ARSG: variants seen among roughly 807,000 people sequenced by gnomAD.
The protein encoded by ARSG is arylsulfatase G.
In ARSG, 37 loss-of-function variants were observed where a neutral mutation model predicts 50.5. That is an observed-to-expected ratio of 0.73 (90% confidence interval 0.56 to 0.96). The LOEUF is 0.96. Among genes scored for constraint, ARSG ranks in the 50% least tolerant of loss-of-function variants. The pLI, the probability that ARSG is intolerant of heterozygous loss-of-function variation, is 0.00. For synonymous variants in ARSG, 225 were observed against 254.6 expected, an observed-to-expected ratio of 0.88 and a Z score of 1.11; for missense variants, 629 against 675.3, an observed-to-expected ratio of 0.93 and a Z score of 0.76.
At chr17:68,416,079 GGTTT>G (rs925718898) in intron 11 of ARSG, among the ~76,000 whole-genome samples, 3 of 151,862 alleles carry the variant, frequency 2.0e-5, no homozygotes, top group Admixed American at 6.6e-5. Flanking sequence ...CATGTGCCTT[GGTTT>G]TTTTGTTTTT....
At chr17:68,357,028 G>A (rs2079063784) in intron 6 of ARSG, among the ~76,000 whole-genome samples, 1 of 152,172 alleles carries the variant, frequency 6.6e-6, no homozygotes, top group Non-Finnish European at 1.5e-5. Context: ...TAGAGTCCCT[G>A]GGGCTTATCC....
intron 6 of ARSG, among the ~76,000 whole-genome samples, chr17:68,368,204 T>A (rs1022499493): frequency 8.5e-5 from 13 of 152,318 alleles, no homozygotes; most frequent in South Asian, 4.1e-4. Flanking sequence ...TTCGGACATG[T>A]AACTAATTGC....
Position 68,306,384 on chromosome 17 carries a change from C to T in ARSG, c.-551-559C>T, listed in dbSNP as rs541820521. On this transcript the variant is annotated intron_variant, in intron 1 of 11. Coordinates refer to ENST00000621439, the MANE Select transcript of ARSG (RefSeq NM_001267727.2). ...CTCCAGCCTGGGTGACAGAGTGAGA[C>T]TCAGTCTCAAAAAAAAAAGAATTTT... Among the ~76,000 whole-genome samples the T allele has an allele frequency of 2.0e-5, 3 of 151,922 alleles. No individual in the cohort carries two copies. In the South Asian group the frequency reaches 6.2e-4, roughly 32 times the overall value.
At chr17:68,423,757 A>G (rs538607082), downstream of ARSG, among the ~76,000 whole-genome samples, 4 of 152,262 alleles carry the variant, frequency 2.6e-5, no homozygotes, top group South Asian at 8.3e-4. This position sits in a 1 kb window ranked among gnomAD's most constrained non-coding sequence, Gnocchi z 4.4. Context: ...CAAATAAATG[A>G]TCTGCACAAG....
intron 1 of ARSG, among the ~76,000 whole-genome samples, chr17:68,277,270 A>G (rs566909383): frequency 6.6e-6 from 1 of 151,728 alleles, no homozygotes; most frequent in Non-Finnish European, 1.5e-5. Flanking sequence ...TGCTGGGATT[A>G]CAGGCACATA....
chr17:68,399,174 A>C lies in ARSG; in HGVS notation c.1213-2186A>C, dbSNP rs1436194459. Among the ~76,000 whole-genome samples the C allele has an allele frequency of 6.6e-6, 1 of 152,116 alleles. No homozygotes were observed. Among genetic ancestry groups the C allele is most frequent in the East Asian group, 1.9e-4 (1 of 5,182 alleles). On this transcript the variant is annotated intron_variant, in intron 10 of 11. Coordinates refer to ENST00000621439, the MANE Select transcript of ARSG (RefSeq NM_001267727.2). This position sits in a 1 kb window ranked among gnomAD's most constrained non-coding sequence, Gnocchi z 4.6. ...CCTGGAGGCCATACATCGAGGAAAC[A>C]AGCTGAGTTTTAATGTCCAGAAAGA...
chr17:68,309,284 C>T (rs1247673363), intron 2 of ARSG, among the ~76,000 whole-genome samples: 1 of 152,256 alleles, frequency 6.6e-6, no homozygotes, highest in Admixed American at 6.5e-5. Flanking sequence ...TTCCCGCTCG[C>T]GCCTCTCCCT....
intron 2 of ARSG, among the ~76,000 whole-genome samples, chr17:68,332,251 C>G (rs1727222684): frequency 1.3e-5 from 2 of 152,210 alleles, no homozygotes; most frequent in South Asian, 4.1e-4. Flanking sequence ...GATATTTCTC[C>G]TATTTGCTTT....
At chr17:68,288,166 T>TC (rs1336440399), upstream of ARSG, among the ~76,000 whole-genome samples, 2 of 151,786 alleles carry the variant, frequency 1.3e-5, no homozygotes, top group East Asian at 3.9e-4. Flanking sequence ...CCGGCTGATT[T>TC]TTTTTTTGTA....
the ARSG span, chr17:68,430,033 T>C: frequency 6.2e-7 from 1 of 1,614,144 alleles, no homozygotes; most frequent in Non-Finnish European, 8.5e-7. Flanking sequence ...CCGGAGAAGT[T>C]CAAGCGTGCA....
chr17:68,277,290 C>T (rs1445873681), intron 1 of ARSG, among the ~76,000 whole-genome samples: 1 of 151,992 alleles, frequency 6.6e-6, no homozygotes, highest in African/African-American at 2.4e-5. Context: ...ACCACCATGC[C>T]CAGTTAATTT....
At chr17:68,438,566 G>A in the ARSG span, among the ~76,000 whole-genome samples, 2 of 152,200 alleles carry the variant, frequency 1.3e-5, no homozygotes, top group African/African-American at 4.8e-5. Context: ...CCTTACAAAT[G>A]CAGTGTGTAA....
At chr17:68,398,301 G>A (rs1431125688) in intron 10 of ARSG, among the ~76,000 whole-genome samples, 1 of 152,090 alleles carries the variant, frequency 6.6e-6, no homozygotes, top group Non-Finnish European at 1.5e-5. Context: ...ACACATGCAT[G>A]CACACACATA....
chr17:68,282,252 C>G (rs1481656851), intron 1 of ARSG, among the ~76,000 whole-genome samples: 8 of 146,254 alleles, frequency 5.5e-5, no homozygotes, highest in African/African-American at 2.0e-4. Flanking sequence ...ATCGCAAGGA[C>G]AAAAAAAACA....
intron 11 of ARSG, among the ~76,000 whole-genome samples, chr17:68,402,547 T>C (rs891412503): frequency 2.1e-5 from 3 of 144,136 alleles, no homozygotes; most frequent in Non-Finnish European, 4.6e-5. Context: ...TTTTTTGAGA[T>C]GGAGTCTCGC....
chr17:68,273,093 A>G (rs1473156931), intron 1 of ARSG, among the ~76,000 whole-genome samples: 3 of 152,192 alleles, frequency 2.0e-5, no homozygotes, highest in East Asian at 3.8e-4. Flanking sequence ...CTAGAAAGAA[A>G]TAAGTCATTT....
In ARSG at chr17:68,351,793, G is replaced by A. The variant is rs868328175; in HGVS notation, c.566+107G>A. On this transcript the variant is annotated intron_variant, in intron 5 of 11. Transcript: ENST00000621439. ...GATGCAGACAGGAAACAGTTAAGAC[G>A]GCAAATAAGATACACGGTACATTCT... The A allele has an allele frequency of 1.2e-4, 93 of 749,870 alleles. No individual in the cohort carries two copies. The Middle Eastern group carries it at 2.9e-3, about 24-fold the overall frequency. The allele number at this position is 749,870 out of a possible 1,614,324, so 46.5% of individuals were successfully genotyped here.
At chr17:68,325,309 C>A (rs2145916560) in intron 2 of ARSG, among the ~76,000 whole-genome samples, 1 of 151,924 alleles carries the variant, frequency 6.6e-6, no homozygotes, top group East Asian at 1.9e-4. Flanking sequence ...GATGATCTGT[C>A]AGTGGCTCCC....
intron 2 of ARSG, among the ~76,000 whole-genome samples, chr17:68,313,676 T>C (rs1191509914): frequency 2.0e-5 from 1 of 49,034 alleles, no homozygotes; most frequent in Non-Finnish European, 5.0e-5. Context: ...CGTATCTCTC[T>C]CTCTCTCTTT....
Sources: allele counts gnomAD v4.1 joint callset (sites outside exome capture counted in the v4.1 genomes callset), GRCh38; gene constraint gnomAD v4.1.1; non-coding constraint Gnocchi (gnomAD v3.1); transcripts MANE v1.5; gene names NCBI Gene and HGNC (gene_info 2026-07-23, HGNC 2026-07-21).